The following DMD variants were observed in gnomAD, a reference collection of about 807,000 sequenced individuals.
DMD encodes mutant dystrophin.
A neutral mutation model predicts 330.1 loss-of-function variants in DMD; 63 were observed. The ratio of observed to expected loss-of-function variants is 0.19; its 90% CI spans 0.16 to 0.24. The LOEUF (loss-of-function observed/expected upper bound fraction) is 0.24. Ranked by LOEUF, DMD falls within the 10% of genes least tolerant of loss-of-function variation. The pLI is 1.00. For missense variants in DMD, 3,344 were observed against 2,684.1 expected (o/e 1.25, Z -5.43); for synonymous variants, 1,223 against 959.8 (o/e 1.27, Z -5.07).
chrX:31,820,210 G>A (rs770031648), intron 49 of DMD, 127 bp from the exon 50 acceptor site: 1 of 575,612 alleles, frequency 1.7e-6, no homozygotes, highest in African/African-American at 2.3e-5. Context: ...ATTAACTTTA[G>A]TGGGTAGAAT....
At chrX:31,831,778 AT>A (rs775576906) in intron 49 of DMD, among the ~76,000 whole-genome samples, 4 of 110,805 alleles carry the variant, frequency 3.6e-5, no homozygotes, top group Non-Finnish European at 5.7e-5. Flanking sequence ...TTGTTTTTGT[AT>A]TTTTAGTAGA....
chrX:31,196,691 C>T (rs1331709508), intron 67 of DMD, among the ~76,000 whole-genome samples: 3 of 107,272 alleles, frequency 2.8e-5, no homozygotes, highest in Admixed American at 1.0e-4. Flanking sequence ...CGTGGTGGCA[C>T]GTGCCTGTAG....
intron 2 of DMD, among the ~76,000 whole-genome samples, chrX:32,944,338 C>T (rs1389059914): frequency 3.6e-5 from 4 of 111,857 alleles, no homozygotes; most frequent in Non-Finnish European, 5.6e-5. Context: ...TCTCTACCAT[C>T]GCCTCATTGT....
At chrX:31,512,279 T>C (rs1188249457) in intron 55 of DMD, among the ~76,000 whole-genome samples, 1 of 108,203 alleles carries the variant, frequency 9.2e-6, no homozygotes, top group African/African-American at 3.4e-5. Context: ...TCCCATGTTG[T>C]AGGTTGCCTG....
intron 48 of DMD, among the ~76,000 whole-genome samples, chrX:31,841,153 G>A (rs2093312141): frequency 8.9e-6 from 1 of 111,777 alleles, no homozygotes; most frequent in Admixed American, 9.5e-5. Flanking sequence ...AAGCAGAACA[G>A]CCTTATTGTT....
chrX:32,946,391 TA>T (rs979919947), intron 2 of DMD, among the ~76,000 whole-genome samples: 2 of 111,555 alleles, frequency 1.8e-5, no homozygotes, highest in African/African-American at 6.5e-5. Context: ...CAATAACTAT[TA>T]AGAAAAGTAC....
chrX:32,763,088 G>C (rs368955000), intron 7 of DMD, among the ~76,000 whole-genome samples: 2 of 111,563 alleles, frequency 1.8e-5, no homozygotes, highest in Non-Finnish European at 3.8e-5. Flanking sequence ...TGCTACCGCT[G>C]TACACAATGA....
chrX:32,901,989 A>G (rs2086287227), intron 2 of DMD, among the ~76,000 whole-genome samples: 1 of 110,611 alleles, frequency 9.0e-6, no homozygotes, highest in Admixed American at 9.7e-5. Context: ...ATTTACAAAA[A>G]CATATGCTAT....
chrX:31,545,197 C>T (rs755778218), intron 55 of DMD, among the ~76,000 whole-genome samples: 24 of 112,141 alleles, frequency 2.1e-4, no homozygotes, highest in Non-Finnish European at 4.3e-4. Flanking sequence ...CTTTCTCTGA[C>T]CCTACCCAGG....
rs148644684 is a variant in DMD at position 31,136,346 on chromosome X, C to G, written c.10922-2152G>C. Among the ~76,000 whole-genome samples the G allele has an allele frequency of 9.2e-3, 1,025 of 111,971 alleles. 12 individuals carry two copies. Among genetic ancestry groups the G allele is most frequent in the African/African-American group, 0.03 (918 of 30,818 alleles). Reference sequence around the variant, plus strand: ...CCTTTAGAAAAAGAAGTGAAATTCACTATTTTTAGTTTCATTTTTCTTGCG... The same window carrying G: ...CCTTTAGAAAAAGAAGTGAAATTCAGTATTTTTAGTTTCATTTTTCTTGCG... On this transcript the variant is annotated intron_variant, in intron 76 of 78. Transcript: ENST00000357033.
At position 32,241,108 on chromosome X, in the gene DMD, C is replaced by T. The variant is rs193170497; in HGVS notation, c.6291-24045G>A. On this transcript the variant is annotated intron_variant, in intron 43 of 78. Transcript: ENST00000357033. ...GACTGTATTGTTTTTATTCCCTTAGCGTAATCTTTGAACAATTTGGGAGAG... is the reference window on the plus strand; with the variant it reads ...GACTGTATTGTTTTTATTCCCTTAGTGTAATCTTTGAACAATTTGGGAGAG... Among the ~76,000 whole-genome samples the T allele has an allele frequency of 1.9e-3, 212 of 111,760 alleles. 1 individual carries two copies. Among genetic ancestry groups the T allele is most frequent in the African/African-American group, 6.1e-3 (189 of 30,756 alleles).
At chrX:32,737,198 C>T in intron 7 of DMD, among the ~76,000 whole-genome samples, 1 of 110,114 alleles carries the variant, frequency 9.1e-6, no homozygotes, top group African/African-American at 3.3e-5. Context: ...GCCCAAATGG[C>T]CACCTGGTGC....
At chrX:31,422,401 T>C (rs770097626) in intron 60 of DMD, among the ~76,000 whole-genome samples, 6 of 111,547 alleles carry the variant, frequency 5.4e-5, no homozygotes, top group Admixed American at 9.6e-5. Context: ...AACTTCCTAC[T>C]CTATGTTTAA....
chrX:31,909,671 T>A (rs1342339279), intron 47 of DMD, among the ~76,000 whole-genome samples: 1 of 112,079 alleles, frequency 8.9e-6, no homozygotes, highest in Non-Finnish European at 1.9e-5. Flanking sequence ...TAGTTAGAAC[T>A]AATCCTCCAT....
chrX:32,834,181 C>A (rs1182631220), intron 4 of DMD, among the ~76,000 whole-genome samples: 3 of 111,562 alleles, frequency 2.7e-5, no homozygotes, highest in Non-Finnish European at 5.7e-5. Context: ...TTAACAAGAT[C>A]TACCTCTTCT....
chrX:32,319,258 A>G (rs2097598117), intron 41 of DMD, among the ~76,000 whole-genome samples: 1 of 111,014 alleles, frequency 9.0e-6, no homozygotes, highest in Admixed American at 9.6e-5. Flanking sequence ...ATAAGCACCA[A>G]CAATCATGGC....
At chrX:33,022,550 T>C (rs1272442915) in intron 1 of DMD, among the ~76,000 whole-genome samples, 1 of 110,425 alleles carries the variant, frequency 9.1e-6, no homozygotes, top group Admixed American at 9.7e-5. Context: ...ATAATAATTA[T>C]TAATACAATT....
intron 64 of DMD, among the ~76,000 whole-genome samples, chrX:31,211,833 A>C (rs1245132970): frequency 3.6e-5 from 4 of 112,178 alleles, no homozygotes; most frequent in Non-Finnish European, 5.6e-5. Flanking sequence ...ATCACAGAAG[A>C]CTGAAGAGCA....
intron 25 of DMD, among the ~76,000 whole-genome samples, chrX:32,458,771 G>C (rs969702031): frequency 1.8e-5 from 2 of 111,564 alleles, no homozygotes; most frequent in African/African-American, 3.3e-5. Context: ...TCATATACCT[G>C]TTGGTCATTT....
Sources: gnomAD v4.1 joint callset for allele counts (sites outside exome capture counted in the v4.1 genomes callset) on GRCh38, gnomAD v4.1.1 for gene constraint, MANE v1.5 for transcripts, NCBI Gene and HGNC (gene_info 2026-07-23, HGNC 2026-07-21) for gene names.